Variants in CPM observed in about 807,000 individuals in gnomAD.
The protein encoded by CPM is renal carboxypeptidase.
Under a neutral mutation model 46.4 loss-of-function variants are expected in CPM, and 35 were observed. The ratio of observed to expected loss-of-function variants is 0.75; its 90% CI spans 0.58 to 1.00. CPM has a LOEUF of 1.00. CPM is among the 50% of genes least tolerant of loss of function. The pLI is 0.00. For missense variants in CPM, 422 were observed against 530.4 expected (o/e 0.80, Z 2.01); for synonymous variants, 195 against 195.3 (o/e 1.00, Z 0.01).
At chr12:68,890,629 G>A (rs1289908747) in intron 2 of CPM, among the ~76,000 whole-genome samples, 1 of 152,230 alleles carries the variant, frequency 6.6e-6, no homozygotes, top group African/African-American at 2.4e-5. Flanking sequence ...CCCCACTCTG[G>A]GGAAAAAGTC....
At chr12:68,842,255 A>G (rs1311816716) in exon 6 of CPM, 1 of 497,388 alleles carries the variant, frequency 2.0e-6, no homozygotes, top group Non-Finnish European at 4.0e-6. Flanking sequence ...AAGAAAAAGG[A>G]CTACGGAAAG....
chr12:68,926,904 T>C (rs540234262), intron 2 of CPM, among the ~76,000 whole-genome samples: 67 of 152,390 alleles, frequency 4.4e-4, no homozygotes, highest in African/African-American at 1.6e-3. Context: ...CATCATTCTT[T>C]GTGGCTGCAT....
downstream of CPM, chr12:68,851,102 GT>G (rs1832102222): frequency 6.6e-6 from 1 of 152,516 alleles, no homozygotes; most frequent in South Asian, 2.1e-4. Context: ...GTGGTAATCA[GT>G]TATTTTTAGT....
At chr12:68,927,012 C>T (rs1275875314) in intron 2 of CPM, among the ~76,000 whole-genome samples, 3 of 152,056 alleles carry the variant, frequency 2.0e-5, no homozygotes, top group Non-Finnish European at 2.9e-5. Flanking sequence ...TGAATAGTGC[C>T]GCAATAAACA....
intron 2 of CPM, among the ~76,000 whole-genome samples, chr12:68,899,263 G>A (rs1887016539): frequency 6.6e-6 from 1 of 152,192 alleles, no homozygotes; most frequent in Admixed American, 6.5e-5. Context: ...CAAGCATCAG[G>A]TAAATTACTT....
chr12:68,953,081 A>G (rs1375700268), intron 1 of CPM, among the ~76,000 whole-genome samples: 1 of 152,220 alleles, frequency 6.6e-6, no homozygotes, highest in African/African-American at 2.4e-5. Context: ...GTACTGGTTC[A>G]CAGAGAACAG....
chr12:68,925,460 A>G (rs956536955), intron 2 of CPM, among the ~76,000 whole-genome samples: 12 of 152,224 alleles, frequency 7.9e-5, no homozygotes, highest in African/African-American at 2.9e-4. Context: ...AAGGATGTTC[A>G]CTACAGCATT....
At chr12:68,955,076 C>G (rs755772441) in intron 1 of CPM, among the ~76,000 whole-genome samples, 32 of 152,126 alleles carry the variant, frequency 2.1e-4, no homozygotes, top group Non-Finnish European at 4.4e-4. Flanking sequence ...ACATCTGGCT[C>G]ATGTTTGGCA....
chr12:68,857,246 C>T (rs540037441), intron 8 of CPM, among the ~76,000 whole-genome samples: 15 of 151,776 alleles, frequency 9.9e-5, no homozygotes, highest in East Asian at 1.9e-4. Context: ...TTGCAACCTC[C>T]GCCTCCCGGG....
chr12:68,897,256 C>T (rs1415315377), intron 2 of CPM, among the ~76,000 whole-genome samples: 2 of 151,466 alleles, frequency 1.3e-5, no homozygotes, highest in African/African-American at 4.8e-5. Context: ...ATAATTCTTC[C>T]ATGTTCCCCT....
chr12:68,940,565 C>T (rs1888744557), intron 1 of CPM, among the ~76,000 whole-genome samples: 1 of 150,034 alleles, frequency 6.7e-6, no homozygotes, highest in African/African-American at 2.5e-5. Flanking sequence ...AATCCTTAAC[C>T]CCTACCTACG....
downstream of CPM, chr12:68,847,452 C>CTTTTTTTTTTTTTTTTTTTT (rs772905678): frequency 1.1e-5 from 1 of 88,694 alleles, no homozygotes; most frequent in African/African-American, 5.6e-5. Flanking sequence ...TATCTCCTTT[C>CTTTTTTTTTTTTTTTTTTTT]TTTTTTTTTT....
chr12:68,858,085 C>T (rs980089517), intron 8 of CPM, among the ~76,000 whole-genome samples: 2 of 152,128 alleles, frequency 1.3e-5, no homozygotes. Context: ...AAACTAAAAA[C>T]CATGTTTTTT....
At position 68,930,525 on chromosome 12, in the gene CPM, C is replaced by G. The variant is rs533342933; in HGVS notation, c.160+2153G>C. 3.9e-5 allele frequency among the ~76,000 whole-genome samples: 6 copies of G among 152,328 alleles called. No individual in the cohort carries two copies. In the East Asian group the frequency reaches 1.2e-3, roughly 29 times the overall value. ...TGCAGTGACACTTTGGCAACTGACT[C>G]CCAGTTACTGGCATACAGTTTCATC... is the stretch of plus-strand genomic sequence containing the variant. On this transcript the variant is annotated intron_variant, in intron 2 of 8. Transcript: ENST00000551568.
At chr12:68,907,448 G>A (rs1345067039) in intron 2 of CPM, among the ~76,000 whole-genome samples, 1 of 152,178 alleles carries the variant, frequency 6.6e-6, no homozygotes, top group Non-Finnish European at 1.5e-5. Context: ...ACCTCATAGG[G>A]TTGTCAGAAG....
intron 1 of CPM, chr12:68,957,745 G>T (rs1889047256): frequency 6.6e-6 from 1 of 152,314 alleles, no homozygotes; most frequent in Admixed American, 6.5e-5. Context: ...ACAATGTGCA[G>T]GTTTGTTACA....
chr12:68,895,415 A>C (rs1886831437), intron 2 of CPM, among the ~76,000 whole-genome samples: 1 of 152,238 alleles, frequency 6.6e-6, no homozygotes. Context: ...GACAGGGAGC[A>C]GAGTCACAAC....
chr12:68,856,783 G>A (rs755688119), intron 8 of CPM, 104 bp from the exon 9 acceptor site: 5 of 1,419,054 alleles, frequency 3.5e-6, no homozygotes, highest in Non-Finnish European at 4.8e-6. Flanking sequence ...TTTGTGCAAT[G>A]CATGTAACAA....
At position 68,853,010 on chromosome 12, in the gene CPM, G is replaced by C. The variant is rs752836014; in HGVS notation, c.*3427C>G. 1 of 152,350 alleles carries C rather than the reference G, an allele frequency of 6.6e-6. No individual in the cohort carries two copies. The highest frequency in any genetic ancestry group is 2.1e-4 in the South Asian group (1 of 4,838). 9.4% of individuals were successfully genotyped at this position (152,350 alleles called of 1,614,324 possible). The stretch of plus-strand genomic sequence containing the variant: ...CAAGAGGGAGGGGAAAAGCCGGAAA[G>C]GCGTTGGGCAGGGAGGTGGCTTGGG... On this transcript the variant is annotated 3_prime_UTR_variant, in exon 9 of 9. Transcript: ENST00000551568.
Sources: allele counts gnomAD v4.1 joint callset (sites outside exome capture counted in the v4.1 genomes callset), GRCh38; gene constraint gnomAD v4.1.1; transcripts MANE v1.5; gene names NCBI Gene and HGNC (gene_info 2026-07-23, HGNC 2026-07-21).